TUBGCP2: variants seen among roughly 807,000 people sequenced by gnomAD.
TUBGCP2 encodes the protein tubulin gamma complex component 2.
Under a neutral mutation model 92.2 loss-of-function variants are expected in TUBGCP2, and 55 were observed. The ratio of observed to expected loss-of-function variants is 0.60; its 90% CI spans 0.48 to 0.75. TUBGCP2 has a LOEUF of 0.75. TUBGCP2 is among the 30% of genes least tolerant of loss of function. The probability of loss-of-function intolerance (pLI) is 0.00; values close to 1 mark genes in which losing one functional copy is unlikely to be tolerated. For synonymous variants in TUBGCP2, 533 were observed against 505.2 expected (o/e 1.06, Z -0.74); for missense variants, 1,093 against 1,188.9 (o/e 0.92, Z 1.19).
chr10:133,291,303 C>T (rs1223837742), intron 8 of TUBGCP2, among the ~76,000 whole-genome samples: 3 of 100,824 alleles, frequency 3.0e-5, no homozygotes, highest in Admixed American at 1.1e-4. Flanking sequence ...CCCGGGGAGC[C>T]CTACCTGTAC....
intron 3 of TUBGCP2, 65 bp from the exon 4 acceptor site, chr10:133,299,668 A>C: frequency 7.1e-7 from 1 of 1,408,092 alleles, no homozygotes; most frequent in Non-Finnish European, 9.7e-7. Flanking sequence ...GGGGGAGAGT[A>C]GGGACGACAC....
intron 1 of TUBGCP2, among the ~76,000 whole-genome samples, chr10:133,305,603 A>C (rs995260323): frequency 1.3e-5 from 2 of 152,158 alleles, no homozygotes; most frequent in Non-Finnish European, 2.9e-5. Context: ...CCTACAATAG[A>C]GTACAGAAGA....
At position 133,302,950 on chromosome 10, in the gene TUBGCP2, C is replaced by G. The variant is rs1847710187; in HGVS notation, c.-9G>C. On this transcript the variant is annotated 5_prime_UTR_variant, in exon 2 of 18. Coordinates refer to ENST00000252936, the MANE Select transcript of TUBGCP2 (RefSeq NM_006659.4). ...ATCCGAAATTCACTCATAGTTTTAG[C>G]TCTGAGGCACGAACATCACAATATG... 6.2e-7 allele frequency: 1 copy of G among 1,613,934 alleles called. No homozygotes were observed. Among genetic ancestry groups the G allele is most frequent in the African/African-American group, 1.3e-5 (1 of 74,948 alleles).
At chr10:133,293,307 A>G in intron 6 of TUBGCP2, 69 bp from the exon 7 acceptor site, 1 of 1,546,944 alleles carries the variant, frequency 6.5e-7, no homozygotes, top group Non-Finnish European at 8.9e-7. Flanking sequence ...CGATATTCTG[A>G]GTCTCATCCC....
At chr10:133,309,741 G>T (rs751421692), upstream of TUBGCP2, 4 of 1,609,574 alleles carry the variant, frequency 2.5e-6, no homozygotes, top group Non-Finnish European at 3.4e-6. Flanking sequence ...TCCTCGCACC[G>T]GAGGAAGGGC....
upstream of TUBGCP2, chr10:133,311,779 CT>C: frequency 6.2e-7 from 1 of 1,613,806 alleles, no homozygotes; most frequent in Middle Eastern, 1.7e-4. Flanking sequence ...CCATGGAAAT[CT>C]GCTCTGAGCC....
At position 133,299,561 on chromosome 10, in the gene TUBGCP2, G is replaced by A; in HGVS notation, c.322C>T (p.Leu108Phe). 6.2e-7 allele frequency: 1 copy of A among 1,613,464 alleles called. No homozygotes were observed. The highest frequency in any genetic ancestry group is 8.5e-7 in the Non-Finnish European group (1 of 1,179,736). ...LQQNAKERAE[L>F]AAAAVGSSTT... is the part of the protein sequence containing the mutation. ...CTGCTGCCCACAGCAGCGGCTGCAA[G>A]CTCAGCTCTTTCTTTTGCATTCTGT... The change falls in exon 4 of 18, where the codon CTT (leucine) becomes TTT (phenylalanine). Residue 108 changes from leucine (L) to phenylalanine (F), a missense_variant. Leu to Phe is a conservative substitution (Grantham distance 22). Around this residue, in one of 3 missense-constraint regions of TUBGCP2, gnomAD observed 490 missense variants for 488.5 expected, o/e 1.00. Transcript: ENST00000252936.
Position 133,288,256 on chromosome 10 carries a change from A to G in TUBGCP2, c.1595T>C (p.Met532Thr), listed in dbSNP as rs1357601103. Residue 532 changes from methionine to threonine, a missense_variant, in exon 11 of 18, where the codon ATG becomes ACG. Physicochemically the swap from Met to Thr is moderately conservative, Grantham distance 81. Coordinates refer to ENST00000252936, the MANE Select transcript of TUBGCP2 (RefSeq NM_006659.4). Reference protein sequence around the residue: ...MDQGDFFVHFMDLAEEELRKP... With the variant: ...MDQGDFFVHFTDLAEEELRKP... ...CCGGAGCTCCTCCTCCGCGAGGTCC[A>G]TGAAGTGCACGAAGAAGTCGCCCTG... The G allele has an allele frequency of 8.1e-6, 13 of 1,613,624 alleles. No homozygotes were observed. The Admixed American group carries it at 1.7e-4, about 21-fold the overall frequency.
chr10:133,310,645 C>T (rs952640531), upstream of TUBGCP2: 3 of 299,768 alleles, frequency 1.0e-5, no homozygotes, highest in Non-Finnish European at 1.9e-5. Context: ...CCCTCGGGGC[C>T]GTGTCTGTAC....
At chr10:133,310,803 A>C (rs1847974402), upstream of TUBGCP2, among the ~76,000 whole-genome samples, 1 of 151,178 alleles carries the variant, frequency 6.6e-6, no homozygotes, top group Non-Finnish European at 1.5e-5. Flanking sequence ...TTCCAGGAAC[A>C]ATCTTTTTTT....
chr10:133,279,964 G>A (rs551013117), intron 17 of TUBGCP2, 63 bp from the exon 18 acceptor site: 2 of 1,572,496 alleles, frequency 1.3e-6, no homozygotes, highest in Admixed American at 3.9e-5. Context: ...CTGGGCAGCA[G>A]GGGTGTGGAA....
chr10:133,311,933 C>G (rs759032605), upstream of TUBGCP2: 184 of 1,613,006 alleles, frequency 1.1e-4, no homozygotes, highest in Admixed American at 3.0e-3. Context: ...TCTTCTCATA[C>G]TGAATTCAGA....
At chr10:133,303,596 C>T (rs1443144009) in intron 1 of TUBGCP2, among the ~76,000 whole-genome samples, 2 of 152,214 alleles carry the variant, frequency 1.3e-5, no homozygotes, top group East Asian at 3.9e-4. Flanking sequence ...TGCCAGCTAC[C>T]GGCACACACA....
chr10:133,281,739 C>A (rs1846983083), intron 16 of TUBGCP2, among the ~76,000 whole-genome samples: 1 of 152,232 alleles, frequency 6.6e-6, no homozygotes. Context: ...CTCTCAGTGT[C>A]CCTCACCTCC....
intron 1 of TUBGCP2, chr10:133,308,429 G>A (rs1482351036): frequency 6.6e-6 from 1 of 152,350 alleles, no homozygotes; most frequent in Non-Finnish European, 1.5e-5. Flanking sequence ...AATAAAACTG[G>A]AGTCACTTTG....
chr10:133,289,149 A>G (rs1255272251), intron 9 of TUBGCP2, 129 bp from the exon 10 acceptor site: 1 of 1,079,238 alleles, frequency 9.3e-7, no homozygotes, highest in Non-Finnish European at 1.3e-6. Context: ...CTGAGGCCCC[A>G]GCTGTCTTTG....
intron 5 of TUBGCP2, among the ~76,000 whole-genome samples, chr10:133,294,763 G>A (rs1016733549): frequency 7.9e-5 from 12 of 152,084 alleles, no homozygotes; most frequent in African/African-American, 2.4e-4. Context: ...CCACTGGCAC[G>A]TGCCACCATT....
chr10:133,311,306 C>T (rs1191155065), upstream of TUBGCP2, among the ~76,000 whole-genome samples: 1 of 152,156 alleles, frequency 6.6e-6, no homozygotes, highest in African/African-American at 2.4e-5. Context: ...TAATTGTCTC[C>T]TTTCCGAGGG....
chr10:133,309,481 G>A, upstream of TUBGCP2: 3 of 1,609,144 alleles, frequency 1.9e-6, no homozygotes, highest in Non-Finnish European at 2.5e-6. Flanking sequence ...AATGGGCAGT[G>A]CCTAGCCAGT....
Sources: gnomAD v4.1 joint callset for allele counts (sites outside exome capture counted in the v4.1 genomes callset) on GRCh38, gnomAD v4.1.1 for gene constraint, gnomAD v4.1.1 regional missense constraint, MANE v1.5 for transcripts, NCBI Gene and HGNC (gene_info 2026-07-23, HGNC 2026-07-21) for gene names.